The following NEO1 variants were observed in gnomAD, a reference collection of about 807,000 sequenced individuals.
NEO1 encodes the protein neogenin.
NEO1 carries 63 observed loss-of-function variants against 159.7 expected under a neutral mutation model. The observed-to-expected ratio is 0.39, with a 90% CI of 0.32 to 0.49. The LOEUF (loss-of-function observed/expected upper bound fraction) is 0.49. Ranked by LOEUF, NEO1 falls within the 20% of genes least tolerant of loss-of-function variation. NEO1 has a pLI of 0.85. For missense variants in NEO1, 1,615 were observed against 1,831.0 expected, an observed-to-expected ratio of 0.88 and a Z score of 2.15; for synonymous variants, 633 against 662.0, an observed-to-expected ratio of 0.96 and a Z score of 0.67.
At chr15:73,235,169 C>G (rs1016153812) in intron 7 of NEO1, among the ~76,000 whole-genome samples, 1 of 152,172 alleles carries the variant, frequency 6.6e-6, no homozygotes, top group Admixed American at 6.5e-5. Flanking sequence ...ATTACACTCT[C>G]GCAGTTCACA....
At chr15:73,055,816 G>A (rs993643525) in intron 1 of NEO1, among the ~76,000 whole-genome samples, 4 of 152,158 alleles carry the variant, frequency 2.6e-5, no homozygotes, top group Non-Finnish European at 5.9e-5. Context: ...GGTCATCACT[G>A]TTCATCCACT....
intron 7 of NEO1, among the ~76,000 whole-genome samples, chr15:73,214,529 G>A (rs1453593418): frequency 6.6e-6 from 1 of 152,152 alleles, no homozygotes; most frequent in East Asian, 1.9e-4. Context: ...TGAAAAGGGT[G>A]TCCTTTCCCC....
At chr15:73,120,089 T>C (rs2071548759) in intron 2 of NEO1, among the ~76,000 whole-genome samples, 2 of 152,124 alleles carry the variant, frequency 1.3e-5, no homozygotes, top group East Asian at 1.9e-4. Context: ...TGAGCCAAGA[T>C]TGTGCCACTG....
At chr15:73,126,967 C>T (rs2030343355) in intron 4 of NEO1, among the ~76,000 whole-genome samples, 2 of 152,182 alleles carry the variant, frequency 1.3e-5, no homozygotes, top group South Asian at 2.1e-4. Context: ...CACAGTGGCT[C>T]ACACCTGTAA....
intron 4 of NEO1, among the ~76,000 whole-genome samples, chr15:73,132,463 C>T (rs2031254616): frequency 6.6e-6 from 1 of 152,136 alleles, no homozygotes; most frequent in African/African-American, 2.4e-5. Context: ...AAAAACTCTT[C>T]TAGACATTGG....
At position 73,258,773 on chromosome 15, in the gene NEO1, T is replaced by C. The variant is rs767132409; in HGVS notation, c.2100T>C (p.Asp700=). 4 of 1,613,742 alleles carry C rather than the reference T, an allele frequency of 2.5e-6. No individual in the cohort carries two copies. In the East Asian group the frequency reaches 8.9e-5, roughly 36 times the overall value. ...TQLSQLIEGL[D]RGTEYNFRVA... is the part of the protein sequence containing the mutation. ...TTTGTCATTTGGTCTCAGGTCTTGA[T>C]CGGGGGACTGAGTATAATTTCCGAG... Residue 700 remains aspartate, a synonymous_variant, in exon 14 of 29, where the codon GAT becomes GAC. Coordinates refer to ENST00000261908, the MANE Select transcript of NEO1 (RefSeq NM_002499.4).
chr15:73,190,200 T>G (rs2036162936), intron 7 of NEO1, among the ~76,000 whole-genome samples: 2 of 152,196 alleles, frequency 1.3e-5, no homozygotes, highest in Admixed American at 1.3e-4. Flanking sequence ...TTTTGTCCAT[T>G]AACTTTTTAT....
At chr15:73,278,643 C>A (rs907349834) in intron 22 of NEO1, among the ~76,000 whole-genome samples, 3 of 152,192 alleles carry the variant, frequency 2.0e-5, no homozygotes, top group Non-Finnish European at 4.4e-5. Flanking sequence ...GAGCTGGTGC[C>A]TTCTAATTTA....
chr15:73,201,506 A>G (rs2036886542), intron 7 of NEO1, among the ~76,000 whole-genome samples: 1 of 152,136 alleles, frequency 6.6e-6, no homozygotes, highest in South Asian at 2.1e-4. Flanking sequence ...GTGAATTTCC[A>G]TGCAAGCTTA....
intron 1 of NEO1, among the ~76,000 whole-genome samples, chr15:73,104,086 T>G (rs1161224536): frequency 6.6e-6 from 1 of 152,148 alleles, no homozygotes; most frequent in Non-Finnish European, 1.5e-5. Flanking sequence ...GGTCTCAAAC[T>G]CCTAGGCTCA....
chr15:73,249,288 G>T, intron 10 of NEO1, 80 bp downstream of exon 10: 1 of 1,432,704 alleles, frequency 7.0e-7, no homozygotes. Context: ...GTAGTTGCTT[G>T]ACTGGAAATG....
At chr15:73,076,243 G>C (rs2068761044) in intron 1 of NEO1, among the ~76,000 whole-genome samples, 1 of 152,090 alleles carries the variant, frequency 6.6e-6, no homozygotes, top group African/African-American at 2.4e-5. Context: ...AGCAATATGG[G>C]GGCATGAATA....
intron 25 of NEO1, 120 bp from the exon 26 acceptor site, chr15:73,293,270 A>G (rs928327003): frequency 4.0e-6 from 5 of 1,245,574 alleles, no homozygotes; most frequent in Non-Finnish European, 5.7e-6. Context: ...CCACCAAAAA[A>G]CCAAGGGAGT....
intron 1 of NEO1, among the ~76,000 whole-genome samples, chr15:73,086,277 T>C (rs1374796230): frequency 2.0e-5 from 3 of 152,230 alleles, no homozygotes; most frequent in South Asian, 4.1e-4. Context: ...TTTGGTTCCA[T>C]TGATCTATAT....
chr15:73,070,527 A>G (rs752698341), intron 1 of NEO1, among the ~76,000 whole-genome samples: 1 of 152,228 alleles, frequency 6.6e-6, no homozygotes, highest in Non-Finnish European at 1.5e-5. Flanking sequence ...AAGAGCTAGA[A>G]GAAAATAGAA....
At chr15:73,199,909 G>T (rs1354587310) in intron 7 of NEO1, among the ~76,000 whole-genome samples, 1 of 152,086 alleles carries the variant, frequency 6.6e-6, no homozygotes, top group East Asian at 1.9e-4. Flanking sequence ...TTTTATAGGG[G>T]TGCTAATCTG....
rs902085042 is a variant in NEO1, at chr15:73,119,295, A to T, written c.448+2438A>T. On this transcript the variant is annotated intron_variant, in intron 2 of 28. Coordinates refer to ENST00000261908, the MANE Select transcript of NEO1 (RefSeq NM_002499.4). Reference sequence around the variant, plus strand: ...AATTACATCTCAATAAAACCTAAAAAAATTCTGCCAAATTGCCAATCTAAA... The same window carrying T: ...AATTACATCTCAATAAAACCTAAAATAATTCTGCCAAATTGCCAATCTAAA... Among the ~76,000 whole-genome samples, 7 of 152,294 alleles carry T rather than the reference A, an allele frequency of 4.6e-5. No homozygotes were observed. The East Asian group carries it at 1.4e-3, about 29-fold the overall frequency.
intron 7 of NEO1, among the ~76,000 whole-genome samples, chr15:73,189,859 G>A (rs2036145639): frequency 6.6e-6 from 1 of 152,170 alleles, no homozygotes; most frequent in Non-Finnish European, 1.5e-5. Context: ...TTTGACTTTT[G>A]TTCCTAGCAT....
intron 26 of NEO1, among the ~76,000 whole-genome samples, chr15:73,294,727 A>T (rs2042289642): frequency 6.6e-6 from 1 of 152,000 alleles, no homozygotes; most frequent in South Asian, 2.1e-4. Flanking sequence ...CTTAGTAGAG[A>T]CAGGGTTTCC....
Sources: allele counts gnomAD v4.1 joint callset (sites outside exome capture counted in the v4.1 genomes callset), GRCh38; gene constraint gnomAD v4.1.1; transcripts MANE v1.5; gene names NCBI Gene and HGNC (gene_info 2026-07-23, HGNC 2026-07-21).